Variants in ASAH1 observed in about 807,000 individuals in gnomAD.
ASAH1 encodes acid ceramidase.
A neutral mutation model predicts 59.5 loss-of-function variants in ASAH1; 70 were observed. That is an observed-to-expected ratio of 1.18 (90% CI 0.97 to 1.43). The LOEUF (loss-of-function observed/expected upper bound fraction) is 1.43, where lower values mean the gene tolerates loss of function less well. ASAH1 is among the 40% of genes most tolerant of loss of function. ASAH1 has a pLI of 0.00. For missense variants in ASAH1, 660 were observed against 482.5 expected, an observed-to-expected ratio of 1.37 and a Z score of -3.45; for synonymous variants, 213 against 166.5, an observed-to-expected ratio of 1.28 and a Z score of -2.15.
At chr8:18,081,714 T>A (rs189811673) in intron 1 of ASAH1, among the ~76,000 whole-genome samples, 1 of 152,384 alleles carries the variant, frequency 6.6e-6, no homozygotes, top group Admixed American at 6.5e-5. Context: ...GTTTCCAATT[T>A]AAAGCTGCTT....
At chr8:18,068,686 G>A (rs933128064) in intron 4 of ASAH1, 3 of 152,178 alleles carry the variant, frequency 2.0e-5, no homozygotes, top group Non-Finnish European at 4.4e-5. Context: ...CAATGCACAT[G>A]ACAGCCCCAC....
At chr8:18,069,607 G>C in intron 4 of ASAH1, 185 bp downstream of exon 4, 1 of 543,892 alleles carries the variant, frequency 1.8e-6, no homozygotes, top group East Asian at 3.1e-5. Context: ...ACCATAATTT[G>C]CTATGCTGTA....
intron 4 of ASAH1, chr8:18,068,617 C>G (rs1800031304): frequency 6.6e-6 from 1 of 152,280 alleles, no homozygotes; most frequent in Non-Finnish European, 1.5e-5. Flanking sequence ...GTTGTCACAA[C>G]TGAGGGGGTG....
upstream of ASAH1, chr8:18,084,297 A>G (rs1249858592): frequency 1.3e-5 from 19 of 1,433,040 alleles, no homozygotes; most frequent in Non-Finnish European, 1.7e-5. Flanking sequence ...CTGCAGAAGG[A>G]GAGTCGCGAT....
chr8:18,061,301 C>T, intron 10 of ASAH1, 76 bp downstream of exon 10: 3 of 1,285,290 alleles, frequency 2.3e-6, no homozygotes, highest in Non-Finnish European at 3.3e-6. Flanking sequence ...TAAGCTGGAG[C>T]TTGACAAATA....
upstream of ASAH1, chr8:18,084,165 A>C (rs950443468): frequency 2.6e-6 from 4 of 1,554,980 alleles, no homozygotes; most frequent in Non-Finnish European, 3.5e-6. Flanking sequence ...GCGACCTGGG[A>C]CCGCACCATT....
At chr8:18,079,272 C>G (rs1466065822) in intron 1 of ASAH1, among the ~76,000 whole-genome samples, 1 of 70,096 alleles carries the variant, frequency 1.4e-5, no homozygotes, top group African/African-American at 4.9e-5. Context: ...GACTCCATCT[C>G]AGAAAAAAAA....
rs1037642636 is a variant in ASAH1 at position 18,069,440 on chromosome 8, CA to C, written c.303+351del. 1,029 of 211,408 alleles carry C rather than the reference CA, an allele frequency of 4.9e-3. 1 individual carries two copies. Among genetic ancestry groups the C allele is most frequent in the South Asian group, 0.011 (160 of 14,942 alleles). The allele number at this position is 211,408 out of a possible 1,614,324, so 13.1% of individuals were successfully genotyped here. On this transcript the variant is annotated intron_variant, in intron 4 of 13. Transcript: ENST00000637790. ...TGAGTATGTCATTTGCTCATATCTA[CA>C]AAAAAAAAATCTCTGGATGTCCCTG...
At chr8:18,066,899 C>A (rs6991498) in intron 5 of ASAH1, 3,779 of 343,358 alleles carry the variant, frequency 0.011, 99 homozygotes, top group African/African-American at 0.057. Flanking sequence ...TTGTTCAGTT[C>A]TATTTATACA....
chr8:18,057,748 A>G, intron 13 of ASAH1, 125 bp from the exon 14 acceptor site: 1 of 456,060 alleles, frequency 2.2e-6, no homozygotes, highest in Non-Finnish European at 3.9e-6. Flanking sequence ...ATATAACTTA[A>G]TATATGCAAA....
intron 3 of ASAH1, 33 bp from the exon 4 acceptor site, chr8:18,069,911 A>G (rs1564545607): frequency 1.4e-6 from 2 of 1,438,694 alleles, no homozygotes; most frequent in Non-Finnish European, 1.9e-6. Context: ...ACTAAAAGAC[A>G]TAATGAAATG....
At chr8:18,067,143 A>ATCTAAGACATACAGCACC in intron 5 of ASAH1, 77 bp downstream of exon 5, 1 of 1,321,240 alleles carries the variant, frequency 7.6e-7, no homozygotes, top group Non-Finnish European at 1.1e-6. Context: ...CCTGTGCTGT[A>ATCTAAGACATACAGCACC]TGTATATCAC....
intron 12 of ASAH1, 141 bp from the exon 13 acceptor site, chr8:18,059,032 C>T (rs1799580684): frequency 1.1e-5 from 9 of 797,598 alleles, no homozygotes; most frequent in Admixed American, 2.4e-5. Flanking sequence ...CTGTGGGAGT[C>T]ACTGTTAGAA....
intron 1 of ASAH1, among the ~76,000 whole-genome samples, chr8:18,079,441 A>T (rs1488048743): frequency 7.5e-6 from 1 of 134,012 alleles, no homozygotes; most frequent in Non-Finnish European, 1.7e-5. Context: ...ACAACATTCT[A>T]AAAAAAACAC....
chr8:18,066,521 A>C (rs1361703347), intron 5 of ASAH1: 2 of 147,468 alleles, frequency 1.4e-5, no homozygotes, highest in African/African-American at 5.1e-5. Context: ...CTCAACAAAA[A>C]GGCTCAAATA....
chr8:18,082,817 T>G (rs1424188610), intron 1 of ASAH1, among the ~76,000 whole-genome samples: 1 of 152,176 alleles, frequency 6.6e-6, no homozygotes, highest in Non-Finnish European at 1.5e-5. Flanking sequence ...TGAAGGGCCC[T>G]GACAGTATCA....
At chr8:18,084,252 T>C, upstream of ASAH1, 2 of 1,459,016 alleles carry the variant, frequency 1.4e-6, no homozygotes, top group Middle Eastern at 2.5e-4. Context: ...ACGAAAAGGG[T>C]GGCGTAGAGA....
At chr8:18,075,680 T>G (rs1181815508) in intron 1 of ASAH1, 93 bp from the exon 2 acceptor site, 1 of 1,144,768 alleles carries the variant, frequency 8.7e-7, no homozygotes, top group African/African-American at 1.5e-5. Context: ...GAAGACAACA[T>G]CAAGTCTGAT....
At position 18,056,847 on chromosome 8, in the gene ASAH1, G is replaced by C. The variant is rs6771; in HGVS notation, c.*687C>G. On this transcript the variant is annotated 3_prime_UTR_variant, in exon 14 of 14. Coordinates refer to ENST00000637790, the MANE Select transcript of ASAH1 (RefSeq NM_177924.5). ...ACTTCCTTAGGGTTACTGGGAAGTA[G>C]AGTAATTATGAAAAAGGGAACACTT... 25,953 of 152,058 alleles carry C rather than the reference G, an allele frequency of 0.17. 3,515 individuals carry two copies. Among genetic ancestry groups the C allele is most frequent in the African/African-American group, 0.35 (14,304 of 41,410 alleles). 9.4% of individuals were successfully genotyped at this position (152,058 alleles called of 1,614,324 possible).
Sources: gnomAD v4.1 joint callset for allele counts (sites outside exome capture counted in the v4.1 genomes callset) on GRCh38, gnomAD v4.1.1 for gene constraint, MANE v1.5 for transcripts, NCBI Gene and HGNC (gene_info 2026-07-23, HGNC 2026-07-21) for gene names.